The following KDM5A variants were observed in gnomAD, a reference collection of about 807,000 sequenced individuals.
KDM5A encodes lysine-specific demethylase 5A.
Under a neutral mutation model 193.5 loss-of-function variants are expected in KDM5A, and 42 were observed. The observed-to-expected ratio is 0.22, with a 90% CI of 0.17 to 0.28. The LOEUF (loss-of-function observed/expected upper bound fraction) is 0.28. KDM5A is among the 10% of genes least tolerant of loss of function. The pLI is 1.00. For missense variants in KDM5A, 1,692 were observed against 2,055.1 expected, an observed-to-expected ratio of 0.82 and a Z score of 3.42; for synonymous variants, 796 against 718.1, an observed-to-expected ratio of 1.11 and a Z score of -1.73.
intron 12 of KDM5A, among the ~76,000 whole-genome samples, chr12:332,476 T>C (rs919001779): frequency 1.3e-5 from 2 of 152,204 alleles, no homozygotes; most frequent in African/African-American, 4.8e-5. Context: ...AGTAACATTA[T>C]AAATGTTAAA....
intron 1 of KDM5A, 28 bp downstream of exon 1, chr12:388,896 TCTC>T (rs1490472429): frequency 4.3e-6 from 7 of 1,612,416 alleles, no homozygotes; most frequent in African/African-American, 1.3e-5. Flanking sequence ...CATTCTTCCT[TCTC>T]CCCCTCTCTC....
intron 3 of KDM5A, among the ~76,000 whole-genome samples, chr12:366,538 C>A (rs760241429): frequency 6.6e-6 from 1 of 151,894 alleles, no homozygotes; most frequent in Non-Finnish European, 1.5e-5. Flanking sequence ...CAGAACTTAA[C>A]AAAAACGTCA....
intron 10 of KDM5A, among the ~76,000 whole-genome samples, chr12:336,896 G>T (rs1591919427): frequency 6.6e-6 from 1 of 151,830 alleles, no homozygotes; most frequent in Non-Finnish European, 1.5e-5. Context: ...ACATATAGAA[G>T]AGAAAATACA....
At position 389,187 on chromosome 12, in the gene KDM5A, C is replaced by T. The variant is rs554336209; in HGVS notation, c.-96G>A. 3 of 1,152,524 alleles carry T rather than the reference C, an allele frequency of 2.6e-6. No homozygotes were observed. The South Asian group carries it at 3.6e-5, about 14-fold the overall frequency. 71.4% of individuals were successfully genotyped at this position (1,152,524 alleles called of 1,614,324 possible). On this transcript the variant is annotated 5_prime_UTR_variant, in exon 1 of 28. Coordinates refer to ENST00000399788, the MANE Select transcript of KDM5A (RefSeq NM_001042603.3). Reference sequence around the variant, plus strand: ...GCCCGTTCAAGTCCCCTGACAGAGGCCGAAGCGCATCTTCGCGGACAAGAA... The same window carrying T: ...GCCCGTTCAAGTCCCCTGACAGAGGTCGAAGCGCATCTTCGCGGACAAGAA...
intron 10 of KDM5A, among the ~76,000 whole-genome samples, chr12:340,706 A>AAAC (rs1235295350): frequency 2.0e-5 from 3 of 151,350 alleles, no homozygotes; most frequent in African/African-American, 7.3e-5. Context: ...AAAAAAAAAA[A>AAAC]AAAAAAAAAA....
chr12:290,716 T>G (rs1378249580), intron 27 of KDM5A, among the ~76,000 whole-genome samples: 4 of 127,656 alleles, frequency 3.1e-5, no homozygotes, highest in Non-Finnish European at 3.2e-5. Flanking sequence ...TCATAGCAAA[T>G]GAAAAAAAAA....
chr12:353,890 C>T (rs553911156), intron 8 of KDM5A, among the ~76,000 whole-genome samples, 186 bp downstream of exon 8: 1 of 149,088 alleles, frequency 6.7e-6, no homozygotes, highest in Non-Finnish European at 1.5e-5. Flanking sequence ...CCATTGCATT[C>T]CAGCCTGGCG....
chr12:323,589 C>T lies in KDM5A; in HGVS notation c.2150+11G>A, dbSNP rs1943748735. ...AAGGTAATGGAAGTTTTACAAAATACTTTTGGATACCTAAGACATTTCTTC... is the reference window on the plus strand; with the variant it reads ...AAGGTAATGGAAGTTTTACAAAATATTTTTGGATACCTAAGACATTTCTTC... On this transcript the variant is annotated intron_variant, in intron 15 of 27. Transcript: ENST00000399788. The T allele has an allele frequency of 6.2e-7, 1 of 1,612,994 alleles. No homozygotes were observed. The highest frequency in any genetic ancestry group is 8.5e-7 in the Non-Finnish European group (1 of 1,179,002).
At chr12:297,236 A>G (rs771874074) in intron 24 of KDM5A, 36 bp from the exon 25 acceptor site, 2 of 1,607,516 alleles carry the variant, frequency 1.2e-6, no homozygotes, top group Non-Finnish European at 1.7e-6. Context: ...TCAGAATTAG[A>G]GTCATTTAAC....
chr12:287,242 T>C (rs1158649931), intron 27 of KDM5A, among the ~76,000 whole-genome samples: 1 of 152,166 alleles, frequency 6.6e-6, no homozygotes, highest in Admixed American at 6.5e-5. Context: ...CTGGGACCCA[T>C]CACCCTATGA....
rs895484648 is a variant in KDM5A, at chr12:348,117, A to G, written c.1308+2504T>C. Among the ~76,000 whole-genome samples, 10 of 152,316 alleles carry G rather than the reference A, an allele frequency of 6.6e-5. No individual in the cohort carries two copies. The East Asian group carries it at 9.6e-4, about 15-fold the overall frequency. ...AAGTGGGCAAAGGATATGAACAGAC[A>G]CTTCTCAAAAGAAGACATTTATGCA... is the stretch of plus-strand genomic sequence containing the variant. On this transcript the variant is annotated intron_variant, in intron 10 of 27. Coordinates refer to ENST00000399788, the MANE Select transcript of KDM5A (RefSeq NM_001042603.3).
intron 10 of KDM5A, among the ~76,000 whole-genome samples, 189 bp downstream of exon 10, chr12:350,427 CAAAAA>C (rs10616968): frequency 9.9e-6 from 1 of 101,184 alleles, no homozygotes. Context: ...GATTCCTTCT[CAAAAA>C]AAAAAAAAAA....
In KDM5A at chr12:309,840, T is replaced by A; in HGVS notation, c.3341A>T (p.Glu1114Val). 6.2e-7 allele frequency: 1 copy of A among 1,614,154 alleles called. No individual in the cohort carries two copies. The highest frequency in any genetic ancestry group is 8.5e-7 in the Non-Finnish European group (1 of 1,180,008). Residue 1114 changes from glutamate to valine, a missense_variant, in exon 22 of 28, where the codon GAG (glutamate) becomes GTG (valine). Physicochemically the swap from Glu to Val is moderately radical, Grantham distance 121 (BLOSUM62 -2). Around this residue, in one of 11 missense-constraint regions of KDM5A, gnomAD observed 965 missense variants for 1,061.0 expected, o/e 0.91. Coordinates refer to ENST00000399788, the MANE Select transcript of KDM5A (RefSeq NM_001042603.3). ...ATCTCTGGTTTCCTCCAATCCTTCC[T>A]CCAGATCACTCAGAGGCTCCAGGTC... ...DLDLEPLSDL[E>V]EGLEETRDTA...
intron 14 of KDM5A, among the ~76,000 whole-genome samples, chr12:325,420 C>A (rs914000831): frequency 4.6e-5 from 7 of 152,182 alleles, no homozygotes; most frequent in African/African-American, 1.4e-4. Flanking sequence ...CCGTGGCTCA[C>A]ACCTGTAATC....
At position 289,410 on chromosome 12, in the gene KDM5A, T is replaced by C. The variant is rs950066184; in HGVS notation, c.4866+3349A>G. ...AATATTAATTTTAGCTTGACATTAATTTAATAATCAAAGGAAAAATTATTT... is the reference window on the plus strand; with the variant it reads ...AATATTAATTTTAGCTTGACATTAACTTAATAATCAAAGGAAAAATTATTT... On this transcript the variant is annotated intron_variant, in intron 27 of 27. Coordinates refer to ENST00000399788, the MANE Select transcript of KDM5A (RefSeq NM_001042603.3). Among the ~76,000 whole-genome samples, 8 of 152,278 alleles carry C rather than the reference T, an allele frequency of 5.3e-5. No homozygotes were observed. In the East Asian group the frequency reaches 9.6e-4, roughly 18 times the overall value.
chr12:374,761 C>A (rs1345097636), intron 3 of KDM5A, among the ~76,000 whole-genome samples: 1 of 152,144 alleles, frequency 6.6e-6, no homozygotes, highest in Non-Finnish European at 1.5e-5. Context: ...TCTTGTAGGG[C>A]AGGCCTGGTG....
rs1344518790 is a variant in KDM5A, at chr12:356,865, G to A, written c.673-328C>T. ...TACCGGACACCTGTATTTGATTAGA[G>A]GGCATCTCAGGACATGAACTGTGAC... On this transcript the variant is annotated intron_variant, in intron 5 of 27. Transcript: ENST00000399788. Among the ~76,000 whole-genome samples, 7 of 152,142 alleles carry A rather than the reference G, an allele frequency of 4.6e-5. No homozygotes were observed. In the East Asian group the frequency reaches 1.3e-3, roughly 29 times the overall value.
chr12:342,375 A>G lies in KDM5A; in HGVS notation c.1309-7953T>C, dbSNP rs550349671. 3.9e-5 allele frequency among the ~76,000 whole-genome samples: 6 copies of G among 152,332 alleles called. No homozygotes were observed. In the East Asian group the frequency reaches 9.6e-4, roughly 24 times the overall value. On this transcript the variant is annotated intron_variant, in intron 10 of 27. Transcript: ENST00000399788. ...TCTCCTACGTGATAGAACTGTATGT[A>G]TATGTTACACTTTAAACACATATTT...
In KDM5A at chr12:285,319, C is replaced by A; in HGVS notation, c.*137G>T. 1.4e-6 allele frequency: 1 copy of A among 719,890 alleles called. No homozygotes were observed. Among genetic ancestry groups the A allele is most frequent in the Non-Finnish European group, 2.4e-6 (1 of 413,452 alleles). 44.6% of individuals were successfully genotyped at this position (719,890 alleles called of 1,614,324 possible). ...CACAGAGTCCATGCAAAGAGGAAGC[C>A]AGCACTAAGGGGACTTTCTCTGAAG... On this transcript the variant is annotated 3_prime_UTR_variant, in exon 28 of 28. Transcript: ENST00000399788.
Sources: gnomAD v4.1 joint callset for allele counts (sites outside exome capture counted in the v4.1 genomes callset) on GRCh38, gnomAD v4.1.1 for gene constraint, gnomAD v4.1.1 regional missense constraint, MANE v1.5 for transcripts, NCBI Gene and HGNC (gene_info 2026-07-23, HGNC 2026-07-21) for gene names.